Variants in SETDB2 observed in about 807,000 individuals in gnomAD.
SETDB2 encodes the protein SET domain bifurcated histone lysine methyltransferase 2, also known as histone-lysine N-methyltransferase SETDB2.
In SETDB2, 56 loss-of-function variants were observed where a neutral mutation model predicts 82.5. The observed-to-expected ratio is 0.68, with a 90% confidence interval of 0.55 to 0.85. SETDB2 has a LOEUF of 0.85. Among genes scored for constraint, SETDB2 ranks in the 40% least tolerant of loss-of-function variants. The pLI, the probability that SETDB2 is intolerant of heterozygous loss-of-function variation, is 0.00. For synonymous variants in SETDB2, 272 were observed against 284.9 expected (o/e 0.95, Z 0.46); for missense variants, 677 against 816.4 (o/e 0.83, Z 2.08).
intron 10 of SETDB2, among the ~76,000 whole-genome samples, chr13:49,485,123 G>A (rs1475117687): frequency 6.6e-6 from 1 of 152,180 alleles, no homozygotes; most frequent in Non-Finnish European, 1.5e-5. Context: ...ATACTTAGTT[G>A]GTTGCCAAGC....
At chr13:49,483,033 C>A (rs138486367) in intron 9 of SETDB2, 71 bp downstream of exon 9, 2 of 953,946 alleles carry the variant, frequency 2.1e-6, no homozygotes, top group African/African-American at 1.7e-5. Context: ...TTCATTCCTT[C>A]CCCTCTTTCT....
intron 6 of SETDB2, among the ~76,000 whole-genome samples, chr13:49,477,414 C>T (rs921744092): frequency 6.6e-6 from 1 of 151,642 alleles, no homozygotes; most frequent in Non-Finnish European, 1.5e-5. Flanking sequence ...GAGGCCTGGA[C>T]AACAAAGCAA....
intron 8 of SETDB2, chr13:49,482,322 A>G (rs537821531): frequency 1.8e-5 from 18 of 985,330 alleles, no homozygotes; most frequent in African/African-American, 1.0e-4. Context: ...CACTAAGAAC[A>G]TATCACCACA....
intron 1 of SETDB2, among the ~76,000 whole-genome samples, chr13:49,445,113 A>G (rs946795557): frequency 2.0e-5 from 3 of 152,206 alleles, no homozygotes; most frequent in African/African-American, 7.2e-5. Context: ...ATAGGCTCTG[A>G]AACCATGCTG....
At chr13:49,461,059 T>A (rs1957982739) in intron 3 of SETDB2, 38 bp from the exon 4 acceptor site, 2 of 1,497,882 alleles carry the variant, frequency 1.3e-6, no homozygotes, top group Non-Finnish European at 9.2e-7. Context: ...GCACCATAAA[T>A]AAAGGTAATG....
rs1424521792 is a variant in SETDB2, at chr13:49,444,532, C to T, written c.-667C>T. 6.2e-6 allele frequency: 1 copy of T among 160,448 alleles called. No homozygotes were observed. Among genetic ancestry groups the T allele is most frequent in the Non-Finnish European group, 1.4e-5 (1 of 71,756 alleles). The allele number at this position is 160,448 out of a possible 1,614,324, so 9.9% of individuals were successfully genotyped here. A position where few individuals can be genotyped will look rare whatever the true frequency, so the allele number is the denominator to read the frequency against. Reference sequence around the variant, plus strand: ...AGGTGAAACCAAGGCACCGCCGTGGCTGGCCCCCGACAGTTCCTCTAGCCG... The same window carrying T: ...AGGTGAAACCAAGGCACCGCCGTGGTTGGCCCCCGACAGTTCCTCTAGCCG... On this transcript the variant is annotated 5_prime_UTR_variant, in exon 1 of 14. Transcript: ENST00000611815.
intron 4 of SETDB2, among the ~76,000 whole-genome samples, chr13:49,465,385 T>C (rs766988178): frequency 3.3e-5 from 5 of 152,248 alleles, no homozygotes; most frequent in Non-Finnish European, 7.3e-5. Flanking sequence ...ATGCTTGATA[T>C]ACATTTGTTT....
At chr13:49,450,685 C>CTA (rs1190588094) in intron 1 of SETDB2, among the ~76,000 whole-genome samples, 8 of 151,530 alleles carry the variant, frequency 5.3e-5, no homozygotes, top group Non-Finnish European at 8.8e-5. Flanking sequence ...TTCAGCATGG[C>CTA]TATATATATA....
At chr13:49,484,668 C>T (rs543142773) in intron 10 of SETDB2, among the ~76,000 whole-genome samples, 53 of 152,218 alleles carry the variant, frequency 3.5e-4, no homozygotes, top group Non-Finnish European at 6.0e-4. Flanking sequence ...GTACCCTTTG[C>T]ATTGTGAACT....
At chr13:49,486,042 C>A (rs1958592090) in intron 11 of SETDB2, among the ~76,000 whole-genome samples, 1 of 152,032 alleles carries the variant, frequency 6.6e-6, no homozygotes, top group South Asian at 2.1e-4. Flanking sequence ...AAGTTTTGGC[C>A]AGGTGCAGTA....
intron 3 of SETDB2, 51 bp from the exon 4 acceptor site, chr13:49,461,046 C>T: frequency 7.3e-7 from 1 of 1,369,626 alleles, no homozygotes. Flanking sequence ...AGCACAGTAG[C>T]TGGCACCATA....
In SETDB2 at chr13:49,482,718, T is replaced by C; in HGVS notation, c.1157-19T>C. 1.3e-6 allele frequency: 2 copies of C among 1,528,928 alleles called. No homozygotes were observed. Among genetic ancestry groups the C allele is most frequent in the Non-Finnish European group, 1.8e-6 (2 of 1,108,640 alleles). The allele number at this position is 1,528,928 out of a possible 1,614,324, so 94.7% of individuals were successfully genotyped here. On this transcript the variant is annotated intron_variant, in intron 8 of 13. Coordinates refer to ENST00000611815, the MANE Select transcript of SETDB2 (RefSeq NM_001160308.3). ...ATTATCTTCTGTGTTGTTCAAACTC[T>C]TTAACATTTTCCTTTTAGGAAGATT... is the stretch of plus-strand genomic sequence containing the variant.
In SETDB2 at chr13:49,444,835, T is replaced by G. The variant is rs1957627190; in HGVS notation, c.-364T>G. On this transcript the variant is annotated 5_prime_UTR_variant, in exon 1 of 14. Coordinates refer to ENST00000611815, the MANE Select transcript of SETDB2 (RefSeq NM_001160308.3). ...AAACCCAGAAGCAGAACTTGAAGGT[T>G]AAACCACTAGCCCATTTCACAGGTA... The G allele has an allele frequency of 6.6e-6, 1 of 152,382 alleles. No homozygotes were observed. Among genetic ancestry groups the G allele is most frequent in the South Asian group, 2.1e-4 (1 of 4,828 alleles). 9.4% of individuals were successfully genotyped at this position (152,382 alleles called of 1,614,324 possible).
intron 3 of SETDB2, 61 bp downstream of exon 3, chr13:49,460,293 G>A: frequency 6.7e-7 from 1 of 1,499,734 alleles, no homozygotes; most frequent in Non-Finnish European, 8.9e-7. Flanking sequence ...TGACAGTACA[G>A]TATCATTCTA....
chr13:49,464,091 G>A (rs1197073262), intron 4 of SETDB2: 1 of 771,810 alleles, frequency 1.3e-6, no homozygotes, highest in South Asian at 1.4e-5. Context: ...CACCCTAATA[G>A]GTGAAAGGGA....
intron 1 of SETDB2, among the ~76,000 whole-genome samples, chr13:49,449,299 G>A (rs1187833859): frequency 6.6e-6 from 1 of 152,046 alleles, no homozygotes; most frequent in Admixed American, 6.6e-5. Flanking sequence ...TGCCCAGGCT[G>A]GAGTACAGTG....
At chr13:49,460,011 G>T in intron 2 of SETDB2, 96 bp from the exon 3 acceptor site, 1 of 1,307,020 alleles carries the variant, frequency 7.7e-7, no homozygotes. Flanking sequence ...TCTTGATCTT[G>T]TTTAGAAACC....
rs1352121271 is a variant in SETDB2, at chr13:49,468,645, TA to T, written c.305+687del. Among the ~76,000 whole-genome samples, 45 of 149,040 alleles carry T rather than the reference TA, an allele frequency of 3.0e-4. 2 individuals carry two copies. Among genetic ancestry groups the T allele is most frequent in the African/African-American group, 8.2e-4 (33 of 40,158 alleles). ...CCTAATTTCATTTGTTCTTTCAGCT[TA>T]ATATTAAATTGACTAAGAAAAACTA... is the stretch of plus-strand genomic sequence containing the variant. On this transcript the variant is annotated intron_variant, in intron 5 of 13. Coordinates refer to ENST00000611815, the MANE Select transcript of SETDB2 (RefSeq NM_001160308.3).
chr13:49,472,811 C>T (rs1311673139), intron 5 of SETDB2, among the ~76,000 whole-genome samples: 1 of 152,166 alleles, frequency 6.6e-6, no homozygotes, highest in Admixed American at 6.5e-5. Flanking sequence ...TCCCACTCCT[C>T]CCTAACTCTT....
Sources: allele counts gnomAD v4.1 joint callset (sites outside exome capture counted in the v4.1 genomes callset), GRCh38; gene constraint gnomAD v4.1.1; transcripts MANE v1.5; gene names NCBI Gene and HGNC (gene_info 2026-07-23, HGNC 2026-07-21).